The following ZDHHC24 variants were observed in gnomAD, a reference collection of about 807,000 sequenced individuals.
ZDHHC24 encodes the protein probable palmitoyltransferase ZDHHC24.
In ZDHHC24, 17 loss-of-function variants were observed where a neutral mutation model predicts 23.2. That is an observed-to-expected ratio of 0.73 (90% confidence interval 0.50 to 1.10). The LOEUF is 1.10. Among genes scored for constraint, ZDHHC24 ranks in the 50% least tolerant of loss-of-function variants. The pLI is 0.00. For missense variants in ZDHHC24, 366 were observed against 393.0 expected (o/e 0.93, Z 0.58); for synonymous variants, 186 against 194.5 (o/e 0.96, Z 0.36).
downstream of ZDHHC24, chr11:66,530,975 G>A (rs1856755182): frequency 6.2e-7 from 1 of 1,614,232 alleles, no homozygotes; most frequent in East Asian, 2.2e-5. Flanking sequence ...GGGGCTGCTG[G>A]TCTGCTTCCT....
chr11:66,521,206 C>A, exon 5 of ZDHHC24: 1 of 1,247,302 alleles, frequency 8.0e-7, no homozygotes, highest in Non-Finnish European at 1.2e-6. Flanking sequence ...AGAGGAGTTA[C>A]TGACAGGGCA....
intron 2 of ZDHHC24, among the ~76,000 whole-genome samples, chr11:66,530,203 T>C (rs1383676060): frequency 2.0e-5 from 3 of 152,104 alleles, no homozygotes; most frequent in Non-Finnish European, 2.9e-5. Flanking sequence ...CCAGCTCAGA[T>C]AGGCCCCCAG....
At chr11:66,521,322 T>C (rs1368997318) in exon 5 of ZDHHC24, 1 of 1,614,124 alleles carries the variant, frequency 6.2e-7, no homozygotes, top group East Asian at 2.2e-5. Context: ...CAGTTTGATG[T>C]TGAGTTCCGG....
chr11:66,540,994 C>T (rs1190858582), intron 2 of ZDHHC24, among the ~76,000 whole-genome samples: 1 of 152,022 alleles, frequency 6.6e-6, no homozygotes. Flanking sequence ...CATGGAGGGA[C>T]CACTAATGGG....
intron 4 of ZDHHC24, chr11:66,523,303 C>T (rs1052385349): frequency 9.5e-7 from 1 of 1,056,210 alleles, no homozygotes; most frequent in African/African-American, 1.6e-5. Flanking sequence ...CACACATTTA[C>T]TAAGGTGGCA....
intron 2 of ZDHHC24, among the ~76,000 whole-genome samples, chr11:66,543,466 C>T (rs1857210134): frequency 1.3e-5 from 2 of 152,332 alleles, no homozygotes; most frequent in African/African-American, 2.4e-5. Context: ...GAGTCTTTCT[C>T]CTCTCTCAAC....
chr11:66,543,662 C>A, intron 2 of ZDHHC24, 42 bp downstream of exon 2: 1 of 1,519,110 alleles, frequency 6.6e-7, no homozygotes, highest in South Asian at 1.2e-5. Flanking sequence ...AGCCCAATAC[C>A]AGGGCCCCTG....
At chr11:66,531,020 T>G (rs749409030), downstream of ZDHHC24, 49 of 1,614,076 alleles carry the variant, frequency 3.0e-5, no homozygotes, top group Non-Finnish European at 3.9e-5. Flanking sequence ...GCCCCGGGCC[T>G]TCTTCAAGGT....
At chr11:66,531,847 G>C (rs930334914), downstream of ZDHHC24, 2 of 1,603,794 alleles carry the variant, frequency 1.2e-6, no homozygotes, top group African/African-American at 1.3e-5. Flanking sequence ...TGGGGGTGGG[G>C]GTATCTGCAC....
rs1256633420 is a variant in ZDHHC24 at position 66,545,741 on chromosome 11, C to G, written c.263G>C (p.Gly88Ala). The change falls in exon 1 of 3, where the codon GGT becomes GCT. Residue 88 changes from glycine to alanine, a missense_variant. Transcript: ENST00000310442. This position sits in a 1 kb window ranked among gnomAD's most constrained non-coding sequence, Gnocchi z 4.5. Reference protein sequence around the residue: ...SIRGVMLAGRGLGQGWAYCYQ... With the variant: ...SIRGVMLAGRALGQGWAYCYQ... ...CACTCACGCCCAGCCCTGGCCCAGA[C>G]CGCGGCCGGCCAGCATCACGCCACG... The G allele has an allele frequency of 6.3e-7, 1 of 1,582,390 alleles. No homozygotes were observed.
rs11602834 is a variant in ZDHHC24 at position 66,526,298 on chromosome 11, G to T, written c.*21+638C>A. ...GGAAATGAAGCATGGGTGGACCTGG[G>T]TGTGGAAAGTAAGGCCTACAGAAGT... On this transcript the variant is annotated intron_variant, in intron 4 of 4. Transcript: ENST00000526986. 5,386 of 1,186,506 alleles carry T rather than the reference G, an allele frequency of 4.5e-3. 22 individuals carry two copies. The highest frequency in any genetic ancestry group is 5.3e-3 in the Middle Eastern group (26 of 4,886). 73.5% of individuals were successfully genotyped at this position (1,186,506 alleles called of 1,614,324 possible).
chr11:66,521,196 A>G, exon 5 of ZDHHC24: 10 of 1,100,282 alleles, frequency 9.1e-6, no homozygotes, highest in East Asian at 7.1e-5. Context: ...GCACTCACTC[A>G]GAGGAGTTAC....
At chr11:66,534,157 G>A (rs558466025), downstream of ZDHHC24, among the ~76,000 whole-genome samples, 4 of 149,368 alleles carry the variant, frequency 2.7e-5, no homozygotes, top group South Asian at 8.5e-4. Flanking sequence ...CAAAACGAGC[G>A]AAACTGGCTG....
intron 4 of ZDHHC24, chr11:66,522,726 TGATG>T: frequency 4.8e-5 from 10 of 207,124 alleles, no homozygotes; most frequent in East Asian, 2.5e-4. Flanking sequence ...AGGGATATAT[TGATG>T]AACAAGATAA....
At position 66,545,922 on chromosome 11, in the gene ZDHHC24, C is replaced by T; in HGVS notation, c.82G>A (p.Ala28Thr). The T allele has an allele frequency of 2.0e-6, 3 of 1,517,872 alleles. No homozygotes were observed. The highest frequency in any genetic ancestry group is 2.4e-5 in the South Asian group (2 of 82,002). The allele number at this position is 1,517,872 out of a possible 1,614,324, so 94.0% of individuals were successfully genotyped here. A position where few individuals can be genotyped will look rare whatever the true frequency, so the allele number is the denominator to read the frequency against. ...PLVLTALWAA[A>T]VGLELAYVLV... ...ACGTAAGCCAGCTCCAGGCCCACGG[C>T]CGCGGCCCACAGCGCGGTGAGCACG... Residue 28 changes from alanine to threonine, a missense_variant, in exon 1 of 3, where the codon GCC becomes ACC. Transcript: ENST00000310442. This position sits in a 1 kb window ranked among gnomAD's most constrained non-coding sequence, Gnocchi z 4.5.
chr11:66,526,879 T>C (rs1856533747), intron 4 of ZDHHC24: 1 of 1,612,776 alleles, frequency 6.2e-7, no homozygotes, highest in African/African-American at 1.3e-5. Flanking sequence ...GGGGGAATGC[T>C]GCCCAGCCTC....
downstream of ZDHHC24, among the ~76,000 whole-genome samples, chr11:66,535,569 A>G (rs1407643808): frequency 6.6e-6 from 1 of 152,132 alleles, no homozygotes; most frequent in South Asian, 2.1e-4. Context: ...TAGTGCATGT[A>G]TAATAGCATA....
At position 66,529,835 on chromosome 11, in the gene ZDHHC24, C is replaced by T. The variant is rs2134830713; in HGVS notation, c.560-347G>A. On this transcript the variant is annotated intron_variant, in intron 2 of 4. Coordinates refer to the ZDHHC24 transcript ENST00000526986. The stretch of plus-strand genomic sequence containing the variant: ...TCTCCACAGCCATGCACCGGGCCTT[C>T]CAGACAGACCTATACCTGCTGCGCC... The T allele has an allele frequency of 1.2e-6, 2 of 1,611,324 alleles. No individual in the cohort carries two copies. The highest frequency in any genetic ancestry group is 1.7e-6 in the Non-Finnish European group (2 of 1,179,988).
chr11:66,523,522 C>G, intron 4 of ZDHHC24: 1 of 1,614,154 alleles, frequency 6.2e-7, no homozygotes, highest in East Asian at 2.2e-5. Context: ...TCCGGGTACA[C>G]AAGGTCCTAG....
Sources: gnomAD v4.1 joint callset for allele counts (sites outside exome capture counted in the v4.1 genomes callset) on GRCh38, gnomAD v4.1.1 for gene constraint, Gnocchi (gnomAD v3.1) non-coding constraint, MANE v1.5 for transcripts, NCBI Gene and HGNC (gene_info 2026-07-23, HGNC 2026-07-21) for gene names.